The following MYO3B variants were observed in gnomAD, a reference collection of about 807,000 sequenced individuals.
MYO3B encodes the protein myosin-IIIb.
MYO3B carries 156 observed loss-of-function variants against 174.6 expected under a neutral mutation model. The ratio of observed to expected loss-of-function variants is 0.89; its 90% confidence interval spans 0.78 to 1.02. The LOEUF is 1.02. MYO3B is among the 50% of genes least tolerant of loss of function. The probability of loss-of-function intolerance (pLI) is 0.00; values close to 1 mark genes in which losing one functional copy is unlikely to be tolerated. For missense variants in MYO3B, 1,632 were observed against 1,639.4 expected (o/e 1.00, Z 0.08); for synonymous variants, 563 against 569.1 (o/e 0.99, Z 0.15).
At chr2:170,466,422 T>C in intron 24 of MYO3B, 84 bp from the exon 25 acceptor site, 6 of 1,291,976 alleles carry the variant, frequency 4.6e-6, no homozygotes, top group Non-Finnish European at 5.5e-6. Context: ...CTCGAACTGC[T>C]CCAGAGGCTT....
chr2:170,472,006 A>AAC (rs1332737319), intron 25 of MYO3B, among the ~76,000 whole-genome samples: 1 of 151,832 alleles, frequency 6.6e-6, no homozygotes, highest in Non-Finnish European at 1.5e-5. Context: ...AAAAAAAAAA[A>AAC]ACTCACTTGA....
At chr2:170,237,902 A>G (rs945866978) in intron 7 of MYO3B, among the ~76,000 whole-genome samples, 2 of 152,204 alleles carry the variant, frequency 1.3e-5, no homozygotes, top group African/African-American at 4.8e-5. Context: ...ATCAGTCAGC[A>G]GATTCTCAGT....
intron 32 of MYO3B, among the ~76,000 whole-genome samples, chr2:170,589,316 A>G (rs2106319857): frequency 6.6e-6 from 1 of 152,350 alleles, no homozygotes; most frequent in East Asian, 1.9e-4. Flanking sequence ...TACTATGGAC[A>G]TTATTTCTGA....
intron 8 of MYO3B, among the ~76,000 whole-genome samples, chr2:170,353,447 C>T (rs182817714): frequency 1.3e-3 from 203 of 152,206 alleles, no homozygotes; most frequent in African/African-American, 4.7e-3. Context: ...CAGGATTTTT[C>T]GGGCAGTGAA....
intron 16 of MYO3B, among the ~76,000 whole-genome samples, chr2:170,399,569 A>G (rs17607468): frequency 0.22 from 33,285 of 152,004 alleles, 4,421 homozygotes; most frequent in Non-Finnish European, 0.3. Context: ...TGAGTCTTTC[A>G]AAATATTTCC....
chr2:170,403,120 C>A, intron 19 of MYO3B, 125 bp downstream of exon 19: 2 of 881,110 alleles, frequency 2.3e-6, no homozygotes, highest in East Asian at 2.7e-5. Flanking sequence ...TAGGGTAAGG[C>A]AGTCCTGGCT....
chr2:170,232,606 G>C (rs193091481), intron 6 of MYO3B, among the ~76,000 whole-genome samples: 32 of 152,326 alleles, frequency 2.1e-4, no homozygotes, highest in African/African-American at 7.0e-4. Flanking sequence ...CCCTGCCTGG[G>C]TTCAAATTCT....
chr2:170,444,148 C>G, intron 23 of MYO3B, 102 bp downstream of exon 23: 1 of 964,722 alleles, frequency 1.0e-6, no homozygotes, highest in Non-Finnish European at 1.6e-6. Flanking sequence ...TAGCAGCCCT[C>G]TGCCTGGGCA....
At chr2:170,446,489 T>A in intron 23 of MYO3B, among the ~76,000 whole-genome samples, 1 of 152,174 alleles carries the variant, frequency 6.6e-6, no homozygotes, top group African/African-American at 2.4e-5. Context: ...GTGTGTGGCA[T>A]ATATTTACGT....
At chr2:170,597,681 A>G (rs1694242197) in intron 32 of MYO3B, among the ~76,000 whole-genome samples, 1 of 152,220 alleles carries the variant, frequency 6.6e-6, no homozygotes, top group South Asian at 2.1e-4. Context: ...TCTGATGACT[A>G]CAGTCATGAA....
At chr2:170,390,229 G>A (rs570427055) in intron 14 of MYO3B, among the ~76,000 whole-genome samples, 9 of 152,308 alleles carry the variant, frequency 5.9e-5, no homozygotes, top group Non-Finnish European at 1.2e-4. Context: ...GCTTGTTTGA[G>A]ACCAGCCTGT....
chr2:170,603,059 A>G (rs959130812), intron 32 of MYO3B, among the ~76,000 whole-genome samples: 1 of 151,914 alleles, frequency 6.6e-6, no homozygotes, highest in Non-Finnish European at 1.5e-5. Flanking sequence ...CAAGAGCGAA[A>G]CTCTGTCTCA....
intron 32 of MYO3B, among the ~76,000 whole-genome samples, chr2:170,634,444 C>G (rs1467917081): frequency 6.6e-6 from 1 of 151,872 alleles, no homozygotes; most frequent in Non-Finnish European, 1.5e-5. Context: ...GGATCCCTTC[C>G]TTACACCTTA....
intron 8 of MYO3B, among the ~76,000 whole-genome samples, chr2:170,343,292 G>C (rs189426886): frequency 7.9e-5 from 12 of 152,210 alleles, no homozygotes; most frequent in Admixed American, 2.6e-4. Context: ...AATTAGCCAG[G>C]CATGGTGGTG....
intron 16 of MYO3B, among the ~76,000 whole-genome samples, chr2:170,395,077 G>C (rs2094435970): frequency 6.6e-6 from 1 of 152,122 alleles, no homozygotes; most frequent in Admixed American, 6.6e-5. Context: ...CTTTAGTGTG[G>C]AGTCAGGAGC....
At chr2:170,224,473 A>G (rs191750707) in intron 6 of MYO3B, among the ~76,000 whole-genome samples, 1 of 152,316 alleles carries the variant, frequency 6.6e-6, no homozygotes, top group Admixed American at 6.5e-5. Flanking sequence ...GCTAACTGAG[A>G]CACCAGCTCA....
At chr2:170,443,471 G>A (rs1352889337) in intron 22 of MYO3B, among the ~76,000 whole-genome samples, 1 of 152,080 alleles carries the variant, frequency 6.6e-6, no homozygotes, top group Admixed American at 6.6e-5. Context: ...AGTTTCTTTT[G>A]CTGTGCAGAA....
rs184536068 is a variant in MYO3B, at chr2:170,532,985, A to G, written c.3576-9921A>G. 5.3e-4 allele frequency among the ~76,000 whole-genome samples: 81 copies of G among 152,340 alleles called. 2 individuals are homozygous for G. The Middle Eastern group carries it at 0.01, about 19-fold the overall frequency. On this transcript the variant is annotated intron_variant, in intron 30 of 34. Transcript: ENST00000408978. Reference sequence around the variant, plus strand: ...ATAGGATTCCTTATACTATTCTTGCATCTTTTCTATTAATATAATTAAATC... The same window carrying G: ...ATAGGATTCCTTATACTATTCTTGCGTCTTTTCTATTAATATAATTAAATC...
At chr2:170,542,698 G>A (rs1398178257) in intron 30 of MYO3B, among the ~76,000 whole-genome samples, 2 of 152,172 alleles carry the variant, frequency 1.3e-5, no homozygotes, top group Non-Finnish European at 2.9e-5. Flanking sequence ...CAGGCAGACT[G>A]TGGATGTGCT....
Sources: allele counts gnomAD v4.1 joint callset (sites outside exome capture counted in the v4.1 genomes callset), GRCh38; gene constraint gnomAD v4.1.1; transcripts MANE v1.5; gene names NCBI Gene and HGNC (gene_info 2026-07-23, HGNC 2026-07-21).